KIAA1217: variants seen among roughly 807,000 people sequenced by gnomAD.
The protein encoded by KIAA1217 is KIAA1217, also known as sickle tail protein homolog.
In KIAA1217, 88 loss-of-function variants were observed where a neutral mutation model predicts 163.9. The ratio of observed to expected loss-of-function variants is 0.54; its 90% confidence interval spans 0.45 to 0.64. The LOEUF (loss-of-function observed/expected upper bound fraction) is 0.64, where lower values mean the gene tolerates loss of function less well. Among genes scored for constraint, KIAA1217 ranks in the 30% least tolerant of loss-of-function variants. The pLI is 0.00. For missense variants in KIAA1217, 2,372 were observed against 2,475.0 expected, an observed-to-expected ratio of 0.96 and a Z score of 0.88; for synonymous variants, 903 against 923.1, an observed-to-expected ratio of 0.98 and a Z score of 0.39.
intron 1 of KIAA1217, among the ~76,000 whole-genome samples, chr10:23,870,738 A>G (rs949883098): frequency 1.3e-5 from 2 of 152,172 alleles, no homozygotes; most frequent in African/African-American, 4.8e-5. Context: ...AACTGGTAGC[A>G]ACAGGCAGAG....
chr10:24,286,096 T>C (rs1223196939), intron 2 of KIAA1217, among the ~76,000 whole-genome samples: 1 of 152,198 alleles, frequency 6.6e-6, no homozygotes, highest in South Asian at 2.1e-4. Flanking sequence ...GTTTATCAGG[T>C]CTAGGAGCCT....
intron 2 of KIAA1217, among the ~76,000 whole-genome samples, chr10:24,135,086 A>T (rs2063784810): frequency 6.6e-6 from 1 of 152,306 alleles, no homozygotes; most frequent in African/African-American, 2.4e-5. Flanking sequence ...TGTGACCTCC[A>T]ACAAGTAATT....
intron 2 of KIAA1217, among the ~76,000 whole-genome samples, chr10:24,244,008 C>A (rs765989051): frequency 3.9e-4 from 59 of 152,196 alleles, no homozygotes; most frequent in Admixed American, 1.6e-3. Context: ...CTGAAGAAGT[C>A]TCCTGCCTGG....
intron 2 of KIAA1217, chr10:24,158,242 C>T: frequency 1.4e-6 from 1 of 727,596 alleles, no homozygotes; most frequent in East Asian, 2.5e-5. Context: ...TACGTTTAGT[C>T]CAGCAAATGT....
intron 5 of KIAA1217, among the ~76,000 whole-genome samples, chr10:24,470,443 G>A (rs1278743943): frequency 2.0e-5 from 3 of 152,156 alleles, no homozygotes; most frequent in East Asian, 3.9e-4. Context: ...CAGGGCAGGG[G>A]CCATGCAGAG....
intron 9 of KIAA1217, among the ~76,000 whole-genome samples, chr10:24,505,207 C>T (rs1056944010): frequency 6.6e-6 from 1 of 150,572 alleles, no homozygotes; most frequent in Non-Finnish European, 1.5e-5. Flanking sequence ...TGACTTAAAG[C>T]CTTGACTTCA....
chr10:24,272,907 G>A (rs2076909591), intron 2 of KIAA1217, among the ~76,000 whole-genome samples: 1 of 152,284 alleles, frequency 6.6e-6, no homozygotes, highest in Admixed American at 6.5e-5. Flanking sequence ...ACGTGGAATA[G>A]CATCCACCCC....
chr10:23,811,362 A>C (rs1381169498), intron 1 of KIAA1217, among the ~76,000 whole-genome samples: 1 of 149,712 alleles, frequency 6.7e-6, no homozygotes, highest in Admixed American at 6.7e-5. Flanking sequence ...TATGCATCCA[A>C]ATTTTGGGGG....
chr10:23,703,280 A>G (rs1836609724), intron 1 of KIAA1217, among the ~76,000 whole-genome samples: 3 of 151,956 alleles, frequency 2.0e-5, no homozygotes, highest in Non-Finnish European at 1.5e-5. Flanking sequence ...TGGAGGGAGG[A>G]TCAGAGAGAC....
intron 1 of KIAA1217, among the ~76,000 whole-genome samples, chr10:23,947,292 A>T (rs749362197): frequency 6.6e-6 from 1 of 152,202 alleles, no homozygotes; most frequent in African/African-American, 2.4e-5. Context: ...ACTAGAAGAA[A>T]AGATGTAGTT....
intron 2 of KIAA1217, among the ~76,000 whole-genome samples, chr10:24,054,455 G>C (rs767318385): frequency 6.6e-6 from 1 of 152,090 alleles, no homozygotes; most frequent in Non-Finnish European, 1.5e-5. Flanking sequence ...CAGGACCCTG[G>C]GATATTCCAA....
intron 1 of KIAA1217, among the ~76,000 whole-genome samples, chr10:23,712,462 A>G (rs1238825703): frequency 6.6e-6 from 1 of 151,966 alleles, no homozygotes; most frequent in East Asian, 1.9e-4. Flanking sequence ...AGAGCAGTGC[A>G]GTCAACTCAG....
At chr10:24,246,173 C>T (rs1329878747) in intron 2 of KIAA1217, among the ~76,000 whole-genome samples, 1 of 152,176 alleles carries the variant, frequency 6.6e-6, no homozygotes, top group Non-Finnish European at 1.5e-5. Context: ...GGCCAATTTT[C>T]AATTTCTCCC....
At chr10:23,998,395 A>G (rs1206052260) in intron 1 of KIAA1217, among the ~76,000 whole-genome samples, 4 of 152,204 alleles carry the variant, frequency 2.6e-5, no homozygotes, top group African/African-American at 9.6e-5. Flanking sequence ...CACTTGCCCC[A>G]AGAGAACAAA....
intron 3 of KIAA1217, 52 bp downstream of exon 3, chr10:24,381,119 T>A: frequency 5.2e-6 from 7 of 1,346,910 alleles, no homozygotes; most frequent in Non-Finnish European, 5.1e-6. Context: ...AATGCGTTTG[T>A]TGTTATACTA....
intron 2 of KIAA1217, among the ~76,000 whole-genome samples, chr10:24,258,882 C>G (rs1231569024): frequency 6.6e-6 from 1 of 152,144 alleles, no homozygotes; most frequent in Admixed American, 6.5e-5. Flanking sequence ...CGTGAGCCAC[C>G]GCGCCCGGCC....
intron 1 of KIAA1217, among the ~76,000 whole-genome samples, chr10:23,926,031 C>G (rs1054220305): frequency 6.6e-6 from 1 of 152,152 alleles, no homozygotes; most frequent in East Asian, 1.9e-4. Flanking sequence ...CTGTGGTCCT[C>G]GATCCAGGCA....
chr10:24,337,544 A>G (rs1034364998), intron 2 of KIAA1217, among the ~76,000 whole-genome samples: 1 of 151,650 alleles, frequency 6.6e-6, no homozygotes, highest in Non-Finnish European at 1.5e-5. Context: ...CTTAATCTGC[A>G]GACTTAAATG....
intron 10 of KIAA1217, among the ~76,000 whole-genome samples, chr10:24,516,041 A>G (rs777068286): frequency 2.0e-5 from 3 of 152,268 alleles, no homozygotes; most frequent in Non-Finnish European, 2.9e-5. Context: ...TCTGCATTCC[A>G]GCATGGATAT....
Sources: gnomAD v4.1 joint callset for allele counts (sites outside exome capture counted in the v4.1 genomes callset) on GRCh38, gnomAD v4.1.1 for gene constraint, MANE v1.5 for transcripts, NCBI Gene and HGNC (gene_info 2026-07-23, HGNC 2026-07-21) for gene names.